The following RIMS2 variants were observed in gnomAD, a reference collection of about 807,000 sequenced individuals.
The protein encoded by RIMS2 is regulating synaptic membrane exocytosis protein 2.
A neutral mutation model predicts 174.4 loss-of-function variants in RIMS2; 59 were observed. The observed-to-expected ratio is 0.34, with a 90% CI of 0.27 to 0.42. The LOEUF is 0.42. RIMS2 is among the 10% of genes least tolerant of loss of function. The probability of loss-of-function intolerance (pLI) is 1.00; values close to 1 mark genes in which losing one functional copy is unlikely to be tolerated. For missense variants in RIMS2, 1,620 were observed against 1,666.3 expected, an observed-to-expected ratio of 0.97 and a Z score of 0.48; for synonymous variants, 606 against 572.5, an observed-to-expected ratio of 1.06 and a Z score of -0.84.
chr8:103,974,011 A>T (rs11997080), intron 15 of RIMS2, among the ~76,000 whole-genome samples: 4,644 of 152,248 alleles, frequency 0.031, 217 homozygotes, highest in African/African-American at 0.1. Flanking sequence ...CTAACACAGG[A>T]GTACAAAAAT....
chr8:103,989,105 T>G (rs2094535955), intron 16 of RIMS2, among the ~76,000 whole-genome samples, 200 bp from the exon 19 acceptor site: 1 of 152,216 alleles, frequency 6.6e-6, no homozygotes, highest in African/African-American at 2.4e-5. Flanking sequence ...TTGTGCTGCA[T>G]CTCTTGTAGC....
intron 1 of RIMS2, among the ~76,000 whole-genome samples, chr8:103,673,144 T>C (rs868479519): frequency 2.5e-4 from 38 of 152,328 alleles, no homozygotes; most frequent in African/African-American, 7.9e-4. Context: ...TCCTATGGCC[T>C]TGGGCAGCTC....
intron 4 of RIMS2, among the ~76,000 whole-genome samples, chr8:103,895,109 T>C (rs1030291540): frequency 3.3e-5 from 5 of 151,576 alleles, no homozygotes; most frequent in Admixed American, 1.3e-4. Context: ...CAATACAATT[T>C]ATTATAGGAA....
At chr8:103,940,892 A>G (rs970061042) in intron 13 of RIMS2, among the ~76,000 whole-genome samples, 3 of 148,764 alleles carry the variant, frequency 2.0e-5, no homozygotes, top group African/African-American at 7.3e-5. Flanking sequence ...AAAAAAAAAA[A>G]GCTAAAATCC....
At chr8:103,550,876 C>T (rs577710249) in intron 1 of RIMS2, among the ~76,000 whole-genome samples, 9 of 145,068 alleles carry the variant, frequency 6.2e-5, no homozygotes, top group South Asian at 2.1e-4. Context: ...ATAAATTCCT[C>T]GACACATACA....
intron 19 of RIMS2, among the ~76,000 whole-genome samples, chr8:104,044,219 G>T (rs1337590556): frequency 6.6e-6 from 1 of 151,578 alleles, no homozygotes; most frequent in Non-Finnish European, 1.5e-5. Context: ...AAAAGATTAG[G>T]AGGTCTCTAA....
chr8:104,219,980 T>C (rs2099147918), intron 19 of RIMS2, among the ~76,000 whole-genome samples: 1 of 152,168 alleles, frequency 6.6e-6, no homozygotes, highest in South Asian at 2.1e-4. Flanking sequence ...TTAATATACA[T>C]AAACCAGAAA....
At chr8:103,690,463 T>C (rs1487824828) in intron 1 of RIMS2, among the ~76,000 whole-genome samples, 2 of 152,182 alleles carry the variant, frequency 1.3e-5, no homozygotes, top group African/African-American at 4.8e-5. Flanking sequence ...GTATCTGTTG[T>C]ATGTTTTTTG....
intron 19 of RIMS2, among the ~76,000 whole-genome samples, chr8:104,083,730 G>A (rs900889526): frequency 6.6e-6 from 1 of 152,116 alleles, no homozygotes; most frequent in African/African-American, 2.4e-5. Flanking sequence ...GGCTTGGATA[G>A]ACATGAAATT....
Position 104,058,783 on chromosome 8 carries a change from G to C in RIMS2, c.3334+44168G>C, listed in dbSNP as rs576407922. ...AAGGGATCCAGTTTCAGCTTTCTAC[G>C]TATGGCTAGCCAATTTTCCCAGCAC... is the stretch of plus-strand genomic sequence containing the variant. On this transcript the variant is annotated intron_variant, in intron 19 of 23. Coordinates refer to ENST00000504942, the Ensembl canonical transcript of RIMS2. Among the ~76,000 whole-genome samples, 643 of 152,158 alleles carry C rather than the reference G, an allele frequency of 4.2e-3. 3 individuals carry two copies. The highest frequency in any genetic ancestry group is 6.6e-3 in the Non-Finnish European group (450 of 67,992).
At chr8:103,768,744 G>A in intron 3 of RIMS2, 1 of 761,500 alleles carries the variant, frequency 1.3e-6, no homozygotes, top group Non-Finnish European at 2.5e-6. Flanking sequence ...ATGTCCACCA[G>A]TATGTTGTAA....
chr8:103,817,082 A>T (rs1048528929), intron 3 of RIMS2, among the ~76,000 whole-genome samples: 2 of 152,202 alleles, frequency 1.3e-5, no homozygotes, highest in African/African-American at 4.8e-5. Flanking sequence ...GAAATTTAAA[A>T]ATGTTTGTTT....
intron 19 of RIMS2, among the ~76,000 whole-genome samples, chr8:104,233,051 C>T (rs979035014): frequency 6.6e-6 from 1 of 151,812 alleles, no homozygotes; most frequent in Non-Finnish European, 1.5e-5. Context: ...TGTTATTTTC[C>T]TCTTTGTTCA....
intron 19 of RIMS2, among the ~76,000 whole-genome samples, chr8:104,190,870 G>A (rs994065): frequency 0.16 from 24,119 of 151,768 alleles, 2,464 homozygotes; most frequent in Non-Finnish European, 0.23. Context: ...ATATTTTATA[G>A]GCTCATTCCT....
At chr8:103,899,515 T>C (rs2099314739) in intron 4 of RIMS2, among the ~76,000 whole-genome samples, 1 of 151,858 alleles carries the variant, frequency 6.6e-6, no homozygotes, top group African/African-American at 2.4e-5. Context: ...GTTGCATAAA[T>C]GTCTTCTTTT....
At chr8:103,957,743 A>G (rs895981967) in intron 14 of RIMS2, among the ~76,000 whole-genome samples, 4 of 152,158 alleles carry the variant, frequency 2.6e-5, no homozygotes, top group Non-Finnish European at 5.9e-5. Context: ...GTACCCCAGA[A>G]CTTAAAGTGT....
chr8:104,169,339 TAA>T (rs3072658), intron 19 of RIMS2, among the ~76,000 whole-genome samples: 7,631 of 32,182 alleles, frequency 0.24, 409 homozygotes, highest in South Asian at 0.36. Context: ...TATATATATA[TAA>T]AACAGATTCA....
In RIMS2 at chr8:103,697,117, G is replaced by A. The variant is rs538898351; in HGVS notation, c.208G>A (p.Glu70Lys). The A allele has an allele frequency of 2.2e-5, 35 of 1,613,470 alleles. No homozygotes were observed. The South Asian group carries it at 3.5e-4, about 16-fold the overall frequency. Residue 70 changes from glutamate to lysine, a missense_variant, in exon 2 of 24, where the codon GAG (glutamate) becomes AAG (lysine). By Grantham distance (56) the Glu-to-Lys change is moderately conservative. Around this residue, in one of 2 missense-constraint regions of RIMS2, gnomAD observed 1,395 missense variants for 1,360.1 expected, o/e 1.03. Transcript: ENST00000504942. Reference sequence around the variant, plus strand: ...GCATCAGCAGTTTGAAATGTATAAAGAGCAGGTAAAGAAGATGGGAGAAGA... The same window carrying A: ...GCATCAGCAGTTTGAAATGTATAAAAAGCAGGTAAAGAAGATGGGAGAAGA...
intron 19 of RIMS2, among the ~76,000 whole-genome samples, chr8:104,113,862 A>G (rs1174592657): frequency 6.6e-6 from 1 of 151,964 alleles, no homozygotes; most frequent in Non-Finnish European, 1.5e-5. Flanking sequence ...ACAAGAAGAT[A>G]TGTAAACAAT....
Sources: gnomAD v4.1 joint callset for allele counts (sites outside exome capture counted in the v4.1 genomes callset) on GRCh38, gnomAD v4.1.1 for gene constraint, gnomAD v4.1.1 regional missense constraint, MANE v1.5 for transcripts, NCBI Gene and HGNC (gene_info 2026-07-23, HGNC 2026-07-21) for gene names.